The following PSMD8 variants were observed in gnomAD, a reference collection of about 807,000 sequenced individuals.
PSMD8 encodes proteasome 26S subunit, non-ATPase 8, also known as 26S proteasome non-ATPase regulatory subunit 8.
Under a neutral mutation model 40.0 loss-of-function variants are expected in PSMD8, and 30 were observed. The observed-to-expected ratio is 0.75, with a 90% CI of 0.56 to 1.02. The LOEUF (loss-of-function observed/expected upper bound fraction) is 1.02, where lower values mean the gene tolerates loss of function less well. Among genes scored for constraint, PSMD8 ranks in the 50% least tolerant of loss-of-function variants. The probability of loss-of-function intolerance (pLI) is 0.00; values close to 1 mark genes in which losing one functional copy is unlikely to be tolerated. For synonymous variants in PSMD8, 208 were observed against 192.5 expected, an observed-to-expected ratio of 1.08 and a Z score of -0.67; for missense variants, 461 against 463.9, an observed-to-expected ratio of 0.99 and a Z score of 0.06.
chr19:38,382,869 G>GC (rs1311285965), intron 6 of PSMD8: 1 of 204,562 alleles, frequency 4.9e-6, no homozygotes, highest in African/African-American at 2.3e-5. Context: ...CCGAGATCAC[G>GC]CCATTGCACT....
rs540270340 is a variant in PSMD8, at chr19:38,381,624, G to A, written c.804-493G>A. Reference sequence around the variant, plus strand: ...CCACTACCTACCGCATGGCCTAAGCGATATTGGAGGCACTCCTCCCCATCA... The same window carrying A: ...CCACTACCTACCGCATGGCCTAAGCAATATTGGAGGCACTCCTCCCCATCA... On this transcript the variant is annotated intron_variant, in intron 5 of 6. Coordinates refer to ENST00000215071, the MANE Select transcript of PSMD8 (RefSeq NM_002812.5). 4.6e-5 allele frequency among the ~76,000 whole-genome samples: 7 copies of A among 152,286 alleles called. No homozygotes were observed. The South Asian group carries it at 1.2e-3, about 27-fold the overall frequency.
At chr19:38,376,324 T>G in intron 2 of PSMD8, 28 bp from the exon 3 acceptor site, 1 of 1,539,780 alleles carries the variant, frequency 6.5e-7, no homozygotes, top group Non-Finnish European at 8.8e-7. Flanking sequence ...CTCAGTCACC[T>G]CCTGAGAGCT....
At chr19:38,382,047 CAGGTCTGGGGGGACA>C in intron 5 of PSMD8, 55 bp from the exon 6 acceptor site, 1 of 1,107,356 alleles carries the variant, frequency 9.0e-7, no homozygotes, top group Non-Finnish European at 1.3e-6. Flanking sequence ...TGACACATGT[CAGGTCTGGGGGGACA>C]GGTCCTGGGA....
chr19:38,383,240 T>G lies in PSMD8; in HGVS notation c.916-13T>G. The G allele has an allele frequency of 6.2e-7, 1 of 1,612,262 alleles. No homozygotes were observed. Among genetic ancestry groups the G allele is most frequent in the South Asian group, 1.1e-5 (1 of 90,998 alleles). On this transcript the variant is annotated splice_polypyrimidine_tract_variant and intron_variant, in intron 6 of 6. Transcript: ENST00000215071. ...GATCACTCTACTCGTCTCTAATCCCTCCTTTCCTGCAGCGAGGGTGGGTCC... is the reference window on the plus strand; with the variant it reads ...GATCACTCTACTCGTCTCTAATCCCGCCTTTCCTGCAGCGAGGGTGGGTCC...
chr19:38,374,612 A>G lies in PSMD8; in HGVS notation c.11A>G (p.Lys4Arg). 6.7e-7 allele frequency: 1 copy of G among 1,484,062 alleles called. No homozygotes were observed. The highest frequency in any genetic ancestry group is 1.3e-5 in the South Asian group (1 of 74,590). 91.9% of individuals were successfully genotyped at this position (1,484,062 alleles called of 1,614,324 possible). The change falls in exon 1 of 7, where the codon AAG (lysine) becomes AGG (arginine). Residue 4 changes from lysine to arginine, a missense_variant. Lys to Arg is a conservative substitution (Grantham distance 26). Around this residue, in one of 2 missense-constraint regions of PSMD8, gnomAD observed 225 missense variants for 142.7 expected, o/e 1.58. Transcript: ENST00000215071. MFI[K>R]GRAPRAPPRE... ...GGAGCTCCAACTGACATGTTCATTA[A>G]GGGCAGGGCTCCGAGGGCGCCACCT...
chr19:38,377,654 G>A (rs774179032), intron 3 of PSMD8, among the ~76,000 whole-genome samples: 1 of 151,848 alleles, frequency 6.6e-6, no homozygotes, highest in Non-Finnish European at 1.5e-5. Context: ...GCGCCACCAC[G>A]CCCTGCTAGA....
chr19:38,380,705 A>AGT (rs777632680), intron 4 of PSMD8, among the ~76,000 whole-genome samples, 194 bp from the exon 5 acceptor site: 367 of 112,534 alleles, frequency 3.3e-3, no homozygotes, highest in Non-Finnish European at 4.5e-3. Context: ...AGAGAGAGAG[A>AGT]GAGTGTGTGT....
intron 4 of PSMD8, 21 bp from the exon 5 acceptor site, chr19:38,380,878 C>T: frequency 6.5e-7 from 1 of 1,533,648 alleles, no homozygotes; most frequent in Non-Finnish European, 8.8e-7. Flanking sequence ...CTCTCTTCTT[C>T]CCCCTTCCCG....
chr19:38,382,267 G>A (rs1308728763), intron 6 of PSMD8, 39 bp downstream of exon 6: 2 of 1,491,834 alleles, frequency 1.3e-6, no homozygotes, highest in South Asian at 1.2e-5. Flanking sequence ...GGGACCAAGG[G>A]GTGAAGTCAC....
chr19:38,376,578 CAGT>C (rs1331684134), intron 3 of PSMD8, 124 bp downstream of exon 3: 3 of 853,512 alleles, frequency 3.5e-6, no homozygotes, highest in Non-Finnish European at 5.6e-6. Context: ...GTTCTCTCCT[CAGT>C]GGTGCAGGGT....
chr19:38,377,331 G>C (rs1278783255), intron 3 of PSMD8, among the ~76,000 whole-genome samples: 1 of 151,892 alleles, frequency 6.6e-6, no homozygotes, highest in East Asian at 1.9e-4. Context: ...TAGGGCTACA[G>C]GTGCACACCA....
In PSMD8 at chr19:38,374,893, C is replaced by A; in HGVS notation, c.292C>A (p.Leu98Ile). The stretch of plus-strand genomic sequence containing the variant: ...GGCCGCGACCGGCATGTACGAGCAA[C>A]TCAAGGGCGAGTGGAACCGTAAAAG... ...LQAATGMYEQ[L>I]KGEWNRKSPN... The change falls in exon 1 of 7, where the codon CTC becomes ATC. Residue 98 changes from leucine to isoleucine, a missense_variant. By Grantham distance (5) the Leu-to-Ile change is conservative (BLOSUM62 2). Transcript: ENST00000215071. 6.3e-7 allele frequency: 1 copy of A among 1,588,164 alleles called. No individual in the cohort carries two copies. Among genetic ancestry groups the A allele is most frequent in the African/African-American group, 1.3e-5 (1 of 74,746 alleles).
Position 38,383,627 on chromosome 19 carries a change from A to C in PSMD8, c.*237A>C. On this transcript the variant is annotated 3_prime_UTR_variant, in exon 7 of 7. Coordinates refer to ENST00000215071, the MANE Select transcript of PSMD8 (RefSeq NM_002812.5). ...CTGGTGGGCATTGCTCAGGGTCTCA[A>C]ACATGGACGCCCACTGTGGGGCCCC... is the stretch of plus-strand genomic sequence containing the variant. The C allele has an allele frequency of 1.8e-6, 1 of 566,232 alleles. No individual in the cohort carries two copies. Among genetic ancestry groups the C allele is most frequent in the Non-Finnish European group, 3.1e-6 (1 of 324,604 alleles). 35.1% of individuals were successfully genotyped at this position (566,232 alleles called of 1,614,324 possible). A position where few individuals can be genotyped will look rare whatever the true frequency, so the allele number is the denominator to read the frequency against.
At chr19:38,380,723 T>TGTGTGCGCGCGTGCGCGC (rs1555743512) in intron 4 of PSMD8, among the ~76,000 whole-genome samples, 176 bp from the exon 5 acceptor site, 16 of 144,006 alleles carry the variant, frequency 1.1e-4, no homozygotes, top group African/African-American at 2.8e-4. Context: ...TGTGTGTGTG[T>TGTGTGCGCGCGTGCGCGC]GTGTGTGCGC....
In PSMD8 at chr19:38,382,172, G is replaced by A; in HGVS notation, c.859G>A (p.Ala287Thr). 2 of 1,595,028 alleles carry A rather than the reference G, an allele frequency of 1.3e-6. No individual in the cohort carries two copies. Among genetic ancestry groups the A allele is most frequent in the Non-Finnish European group, 1.7e-6 (2 of 1,171,244 alleles). ...CTACGAGAAAATCCTTTTCACTGAG[G>A]CCACCCGGATCCTCTTCTTCAACAC... ...KAYEKILFTE[A>T]TRILFFNTPK... The change falls in exon 6 of 7, where the codon GCC (alanine) becomes ACC (threonine). Residue 287 changes from alanine (A) to threonine (T), a missense_variant. This residue lies in a region of PSMD8 where 236 missense variants were observed against 321.2 expected (regional missense o/e 0.73). Transcript: ENST00000215071.
chr19:38,374,978 C>G lies in PSMD8; in HGVS notation c.360+17C>G. On this transcript the variant is annotated intron_variant, in intron 1 of 6. Coordinates refer to ENST00000215071, the MANE Select transcript of PSMD8 (RefSeq NM_002812.5). ...CGACTCAAGGTAAAGTCGGCAGGCC[C>G]AGGAAACCGAGTGTTGCGGGCGTGG... 6.5e-7 allele frequency: 1 copy of G among 1,545,340 alleles called. No homozygotes were observed. Among genetic ancestry groups the G allele is most frequent in the East Asian group, 2.4e-5 (1 of 41,378 alleles).
intron 3 of PSMD8, among the ~76,000 whole-genome samples, 165 bp downstream of exon 3, chr19:38,376,619 T>C (rs1179464005): frequency 3.9e-5 from 6 of 152,154 alleles, no homozygotes; most frequent in Non-Finnish European, 8.8e-5. Context: ...GTCCTGAGAC[T>C]TGGCTTGACT....
intron 5 of PSMD8, among the ~76,000 whole-genome samples, chr19:38,381,623 C>G (rs942705780): frequency 6.6e-6 from 1 of 152,164 alleles, no homozygotes; most frequent in Non-Finnish European, 1.5e-5. Context: ...ATGGCCTAAG[C>G]GATATTGGAG....
intron 4 of PSMD8, among the ~76,000 whole-genome samples, chr19:38,379,976 A>T (rs528739548): frequency 2.6e-5 from 4 of 152,176 alleles, no homozygotes; most frequent in Non-Finnish European, 5.9e-5. Flanking sequence ...AAAATAAATG[A>T]ATAAAAACAT....
Sources: gnomAD v4.1 joint callset for allele counts (sites outside exome capture counted in the v4.1 genomes callset) on GRCh38, gnomAD v4.1.1 for gene constraint, gnomAD v4.1.1 regional missense constraint, MANE v1.5 for transcripts, NCBI Gene and HGNC (gene_info 2026-07-23, HGNC 2026-07-21) for gene names.